FREM2: variants seen among roughly 807,000 people sequenced by gnomAD.
The protein encoded by FREM2 is FRAS1 related extracellular matrix 2, also known as FRAS1-related extracellular matrix protein 2.
In FREM2, 119 loss-of-function variants were observed where a neutral mutation model predicts 219.9. The observed-to-expected ratio is 0.54, with a 90% CI of 0.47 to 0.63. The LOEUF is 0.63. FREM2 is among the 30% of genes least tolerant of loss of function. The pLI, the probability that FREM2 is intolerant of heterozygous loss-of-function variation, is 0.00. For synonymous variants in FREM2, 1,562 were observed against 1,522.8 expected (o/e 1.03, Z -0.60); for missense variants, 4,030 against 3,993.6 (o/e 1.01, Z -0.25).
At chr13:38,779,039 C>G (rs1249810881) in intron 4 of FREM2, among the ~76,000 whole-genome samples, 1 of 152,040 alleles carries the variant, frequency 6.6e-6, no homozygotes, top group East Asian at 1.9e-4. Context: ...TTGGTGAAAA[C>G]CTTACTTCAT....
chr13:38,767,202 A>T lies in FREM2; in HGVS notation c.5411-2376A>T, dbSNP rs750630845. ...ACAACTGTTATATGGCCTGGATGGG[A>T]TATAAAATCTATTCTCTCCTTCCAC... On this transcript the variant is annotated intron_variant, in intron 3 of 23. Transcript: ENST00000280481. Among the ~76,000 whole-genome samples the T allele has an allele frequency of 2.3e-4, 35 of 152,330 alleles. No homozygotes were observed. In the Middle Eastern group the frequency reaches 0.014, roughly 59 times the overall value.
At chr13:38,813,920 A>C (rs910425293) in intron 6 of FREM2, among the ~76,000 whole-genome samples, 1 of 151,612 alleles carries the variant, frequency 6.6e-6, no homozygotes, top group Non-Finnish European at 1.5e-5. Context: ...TGTATTTTCA[A>C]GTTGCCTATC....
intron 2 of FREM2, among the ~76,000 whole-genome samples, chr13:38,757,199 A>G (rs1236201569): frequency 2.0e-5 from 3 of 152,198 alleles, no homozygotes; most frequent in Non-Finnish European, 4.4e-5. Flanking sequence ...ATATACCCAC[A>G]TTATATACCT....
intron 6 of FREM2, among the ~76,000 whole-genome samples, chr13:38,841,481 G>A (rs759611464): frequency 2.6e-5 from 4 of 151,826 alleles, no homozygotes; most frequent in East Asian, 1.9e-4. Context: ...AGGCCCTAGC[G>A]TCTGTATTTT....
chr13:38,773,887 A>G (rs542261069), intron 4 of FREM2, among the ~76,000 whole-genome samples: 153 of 152,156 alleles, frequency 1.0e-3, no homozygotes, highest in African/African-American at 3.6e-3. Context: ...TTATATATCA[A>G]TTTACAAAGA....
intron 2 of FREM2, among the ~76,000 whole-genome samples, chr13:38,730,261 A>T (rs1445501402): frequency 6.6e-6 from 1 of 152,166 alleles, no homozygotes; most frequent in Non-Finnish European, 1.5e-5. Context: ...AAAAAAGGAG[A>T]AGGAGAGTGT....
chr13:38,751,589 C>T lies in FREM2; in HGVS notation c.5264-12715C>T, dbSNP rs188169621. Among the ~76,000 whole-genome samples, 27 of 152,236 alleles carry T rather than the reference C, an allele frequency of 1.8e-4. No homozygotes were observed. In the East Asian group the frequency reaches 3.1e-3, roughly 17 times the overall value. ...GGTCTTTCCAACCCAATGTGCTCCCCTCCCTCCTCTGAGCCCCAGGAGATT... is the reference window on the plus strand; with the variant it reads ...GGTCTTTCCAACCCAATGTGCTCCCTTCCCTCCTCTGAGCCCCAGGAGATT... On this transcript the variant is annotated intron_variant, in intron 2 of 23. Transcript: ENST00000280481.
At chr13:38,779,954 C>T (rs368697790) in intron 4 of FREM2, among the ~76,000 whole-genome samples, 12 of 152,194 alleles carry the variant, frequency 7.9e-5, no homozygotes, top group Admixed American at 5.9e-4. Context: ...CTCATTTGCT[C>T]GGTTTTCTTT....
chr13:38,687,209 C>T lies in FREM2; in HGVS notation c.-136C>T. On this transcript the variant is annotated 5_prime_UTR_variant, in exon 1 of 24. Transcript: ENST00000280481. ...GCGCAACTTTGCCATCCTTCTGGCC[C>T]AGCCCCGGCTACAGGAGGACCCCGC... The T allele has an allele frequency of 7.8e-7, 1 of 1,281,032 alleles. No homozygotes were observed. Among genetic ancestry groups the T allele is most frequent in the Non-Finnish European group, 1.1e-6 (1 of 914,280 alleles). 79.4% of individuals were successfully genotyped at this position (1,281,032 alleles called of 1,614,324 possible).
intron 8 of FREM2, among the ~76,000 whole-genome samples, chr13:38,849,467 T>G (rs1270224717): frequency 6.6e-6 from 1 of 152,176 alleles, no homozygotes; most frequent in East Asian, 1.9e-4. Flanking sequence ...AAAATGCTGT[T>G]CTGGGACAAC....
In FREM2 at chr13:38,850,225, A is replaced by G. The variant is rs145393602; in HGVS notation, c.6567A>G (p.Thr2189=). Reference sequence around the variant, plus strand: ...CAAACACTGATACCTCCATCATCACATTCCTCCCTGGTAAGCTTGAACTTG... The same window carrying G: ...CAAACACTGATACCTCCATCATCACGTTCCTCCCTGGTAAGCTTGAACTTG... ...ERPNTDTSII[T]FLPGETEKPC... is the part of the protein sequence containing the mutation. Residue 2189 remains threonine, a synonymous_variant, in exon 9 of 24, where the codon ACA becomes ACG. Transcript: ENST00000280481. 47 of 1,613,676 alleles carry G rather than the reference A, an allele frequency of 2.9e-5. No homozygotes were observed. The highest frequency in any genetic ancestry group is 1.5e-4 in the African/African-American group (11 of 74,912).
chr13:38,688,172 C>A lies in FREM2; in HGVS notation c.828C>A (p.Asn276Lys). 3 of 1,613,648 alleles carry A rather than the reference C, an allele frequency of 1.9e-6. No individual in the cohort carries two copies. The highest frequency in any genetic ancestry group is 3.3e-5 in the Admixed American group (2 of 60,028). The change falls in exon 1 of 24, where the codon AAC becomes AAA. Residue 276 changes from asparagine (N) to lysine (K), a missense_variant. By Grantham distance (94) the Asn-to-Lys change is moderately conservative. Transcript: ENST00000280481. ...YRHTAASRSP[N>K]RDWIPMVVEL... Reference sequence around the variant, plus strand: ...ACACAGCCGCCAGTCGCTCACCAAACAGGGACTGGATACCCATGGTGGTGG... The same window carrying A: ...ACACAGCCGCCAGTCGCTCACCAAAAAGGGACTGGATACCCATGGTGGTGG...
intron 6 of FREM2, among the ~76,000 whole-genome samples, chr13:38,801,525 G>A (rs1476371593): frequency 6.6e-6 from 1 of 152,106 alleles, no homozygotes; most frequent in African/African-American, 2.4e-5. Flanking sequence ...TATGGTTTTG[G>A]TTGGAGAGGG....
At chr13:38,737,874 T>C (rs1053536433) in intron 2 of FREM2, among the ~76,000 whole-genome samples, 1 of 152,154 alleles carries the variant, frequency 6.6e-6, no homozygotes, top group Non-Finnish European at 1.5e-5. Context: ...CAAATGGAAA[T>C]GGTATGATGT....
chr13:38,808,140 G>A (rs892603750), intron 6 of FREM2, among the ~76,000 whole-genome samples: 1 of 151,900 alleles, frequency 6.6e-6, no homozygotes, highest in African/African-American at 2.4e-5. Flanking sequence ...TAAACCTCAT[G>A]AAGGAACCTC....
intron 2 of FREM2, among the ~76,000 whole-genome samples, chr13:38,698,556 G>C (rs553334776): frequency 6.6e-6 from 1 of 152,208 alleles, no homozygotes; most frequent in African/African-American, 2.4e-5. Flanking sequence ...TTTTGTTCTT[G>C]CATGTTTTCT....
At position 38,687,287 on chromosome 13, in the gene FREM2, C is replaced by CCGG. The variant is rs1869494536; in HGVS notation, c.-57_-55dup. 1 of 1,553,792 alleles carries CCGG rather than the reference C, an allele frequency of 6.4e-7. No individual in the cohort carries two copies. The highest frequency in any genetic ancestry group is 8.7e-7 in the Non-Finnish European group (1 of 1,148,604). On this transcript the variant is annotated 5_prime_UTR_variant, in exon 1 of 24. Transcript: ENST00000280481. ...CCCGGCGGTGTCTCTTGTTGTCTGCCCGGGGACCGACTTCGCATGCTCTCA... is the reference window on the plus strand; with the variant it reads ...CCCGGCGGTGTCTCTTGTTGTCTGCCCGGCGGGGACCGACTTCGCATGCTCTCA...
intron 2 of FREM2, among the ~76,000 whole-genome samples, chr13:38,703,922 T>A (rs1259348871): frequency 6.6e-6 from 1 of 152,168 alleles, no homozygotes; most frequent in Non-Finnish European, 1.5e-5. Context: ...CATAGGTGAT[T>A]AAAGTACCAT....
Position 38,846,606 on chromosome 13 carries a change from C to T in FREM2, c.6053C>T (p.Ser2018Phe). Residue 2018 changes from serine to phenylalanine, a missense_variant, in exon 7 of 24, where the codon TCT (serine) becomes TTT (phenylalanine). Coordinates refer to ENST00000280481, the MANE Select transcript of FREM2 (RefSeq NM_207361.6). ...TTTTACTTCGGTGATGTGGAATACT[C>T]TGTGGATGAGAGTGCTGGCTATGTG... is the stretch of plus-strand genomic sequence containing the variant. ...PIFYFGDVEYSVDESAGYVEV... is the reference protein window; with the variant it reads ...PIFYFGDVEYFVDESAGYVEV... 1 of 1,613,698 alleles carries T rather than the reference C, an allele frequency of 6.2e-7. No homozygotes were observed. Among genetic ancestry groups the T allele is most frequent in the Non-Finnish European group, 8.5e-7 (1 of 1,179,766 alleles).
Sources: gnomAD v4.1 joint callset for allele counts (sites outside exome capture counted in the v4.1 genomes callset) on GRCh38, gnomAD v4.1.1 for gene constraint, MANE v1.5 for transcripts, NCBI Gene and HGNC (gene_info 2026-07-23, HGNC 2026-07-21) for gene names.